The following TMA16 variants were observed in gnomAD, a reference collection of about 807,000 sequenced individuals.
TMA16 encodes translation machinery-associated protein 16.
TMA16 carries 26 observed loss-of-function variants against 27.1 expected under a neutral mutation model. The observed-to-expected ratio is 0.96, with a 90% CI of 0.70 to 1.33. TMA16 has a LOEUF of 1.33. TMA16 is among the 40% of genes most tolerant of loss of function. The pLI is 0.00. For synonymous variants in TMA16, 71 were observed against 81.9 expected (o/e 0.87, Z 0.72); for missense variants, 233 against 241.4 (o/e 0.97, Z 0.23).
chr4:163,518,096 T>C lies in TMA16; in HGVS notation c.431+620T>C, dbSNP rs190924486. 3.9e-5 allele frequency among the ~76,000 whole-genome samples: 6 copies of C among 152,228 alleles called. No individual in the cohort carries two copies. In the East Asian group the frequency reaches 7.7e-4, roughly 20 times the overall value. ...AATGAATCTACCCAGGTAGTGAGCA[T>C]AGCACCCAGTACGTGGTGTTTTTAG... On this transcript the variant is annotated intron_variant, in intron 6 of 6. Transcript: ENST00000358572.
chr4:163,519,261 T>C, intron 6 of TMA16, 73 bp from the exon 7 acceptor site: 1 of 1,392,104 alleles, frequency 7.2e-7, no homozygotes, highest in Non-Finnish European at 9.4e-7. Context: ...TTTCGAAAAT[T>C]TACTATCTCC....
chr4:163,505,876 A>G (rs925444141), intron 1 of TMA16, among the ~76,000 whole-genome samples: 1 of 152,222 alleles, frequency 6.6e-6, no homozygotes, highest in Non-Finnish European at 1.5e-5. Context: ...TGAGGATTGA[A>G]TTAAGCAATT....
rs77305246 is a variant in TMA16 at position 163,519,936 on chromosome 4, C to T, written c.*422C>T. 5 of 577,012 alleles carry T rather than the reference C, an allele frequency of 8.7e-6. No homozygotes were observed. The highest frequency in any genetic ancestry group is 3.6e-5 in the South Asian group (2 of 55,622). The allele number at this position is 577,012 out of a possible 1,614,324, so 35.7% of individuals were successfully genotyped here. A position where few individuals can be genotyped will look rare whatever the true frequency, so the allele number is the denominator to read the frequency against. On this transcript the variant is annotated 3_prime_UTR_variant, in exon 7 of 7. Transcript: ENST00000358572. ...AAATTGTTTTTCGGTAATAATATCA[C>T]ACTAATGCTTCTTTTAAACATTAAA...
At chr4:163,509,779 G>A (rs1737766954) in intron 2 of TMA16, among the ~76,000 whole-genome samples, 1 of 152,162 alleles carries the variant, frequency 6.6e-6, no homozygotes, top group Admixed American at 6.6e-5. Flanking sequence ...CAATTTACAA[G>A]CAGCAAGTGG....
chr4:163,512,798 C>G, intron 2 of TMA16, 24 bp from the exon 3 acceptor site: 1 of 1,578,876 alleles, frequency 6.3e-7, no homozygotes, highest in East Asian at 2.3e-5. Flanking sequence ...TTTTCTAACA[C>G]ATATATTTAC....
intron 1 of TMA16, among the ~76,000 whole-genome samples, chr4:163,495,231 T>C (rs1452224359): frequency 6.6e-6 from 1 of 152,190 alleles, no homozygotes. Flanking sequence ...TCCGTTCACC[T>C]CTCGTTAGTG....
chr4:163,518,511 C>G lies in TMA16; in HGVS notation c.432-823C>G, dbSNP rs192894460. On this transcript the variant is annotated intron_variant, in intron 6 of 6. Transcript: ENST00000358572. ...CCTAATATCTGGAATCTATAAGAAA[C>G]AAATGAATCAACAAGCAGTTTTTTA... Among the ~76,000 whole-genome samples the G allele has an allele frequency of 2.8e-3, 417 of 149,734 alleles. 1 individual carries two copies. Among genetic ancestry groups the G allele is most frequent in the Non-Finnish European group, 4.3e-3 (289 of 67,912 alleles).
intron 1 of TMA16, among the ~76,000 whole-genome samples, chr4:163,501,061 T>C (rs1378062081): frequency 6.6e-6 from 1 of 152,228 alleles, no homozygotes; most frequent in East Asian, 1.9e-4. Flanking sequence ...TATTGTAGAA[T>C]TGTGTCACTA....
At chr4:163,511,851 A>G (rs1314594940) in intron 2 of TMA16, among the ~76,000 whole-genome samples, 1 of 152,098 alleles carries the variant, frequency 6.6e-6, no homozygotes, top group Non-Finnish European at 1.5e-5. Flanking sequence ...AATAATAACA[A>G]AAGATTTCAT....
chr4:163,508,726 A>C (rs2320617), intron 2 of TMA16, among the ~76,000 whole-genome samples: 1 of 152,184 alleles, frequency 6.6e-6, no homozygotes, highest in African/African-American at 2.4e-5. Context: ...TATGATATGC[A>C]ATATTTTAGC....
At chr4:163,515,527 A>T in intron 5 of TMA16, 66 bp downstream of exon 5, 7 of 1,435,210 alleles carry the variant, frequency 4.9e-6, no homozygotes, top group Non-Finnish European at 6.5e-6. Context: ...GATTGATTTC[A>T]AAGGTTTTAT....
chr4:163,500,268 TG>T (rs1338191148), intron 1 of TMA16, among the ~76,000 whole-genome samples: 1 of 149,542 alleles, frequency 6.7e-6, no homozygotes, highest in African/African-American at 2.5e-5. Context: ...TGGAGTATGG[TG>T]GTGCTATCTC....
At chr4:163,499,711 T>C (rs1263670481) in intron 1 of TMA16, among the ~76,000 whole-genome samples, 1 of 151,774 alleles carries the variant, frequency 6.6e-6, no homozygotes, top group East Asian at 1.9e-4. Context: ...GATTATATTG[T>C]TTTTTAAATT....
chr4:163,501,867 C>T (rs1737654762), intron 1 of TMA16, among the ~76,000 whole-genome samples: 1 of 152,104 alleles, frequency 6.6e-6, no homozygotes, highest in African/African-American at 2.4e-5. Flanking sequence ...CTCAGGGAGG[C>T]CTTTCCTTAC....
chr4:163,509,747 C>G (rs1414857326), intron 2 of TMA16, among the ~76,000 whole-genome samples: 5 of 152,316 alleles, frequency 3.3e-5, no homozygotes, highest in Non-Finnish European at 7.3e-5. Flanking sequence ...GGTTTGAAGA[C>G]TAGCACATTC....
intron 1 of TMA16, among the ~76,000 whole-genome samples, chr4:163,495,877 C>T (rs1737542649): frequency 6.6e-6 from 1 of 152,152 alleles, no homozygotes; most frequent in Non-Finnish European, 1.5e-5. Context: ...TCAGTGTTTG[C>T]TTGTCACTTT....
chr4:163,503,715 C>T (rs1362539897), intron 1 of TMA16, among the ~76,000 whole-genome samples: 1 of 152,104 alleles, frequency 6.6e-6, no homozygotes, highest in African/African-American at 2.4e-5. Context: ...AGAGTCTTTT[C>T]ATAGGCATAG....
intron 1 of TMA16, among the ~76,000 whole-genome samples, chr4:163,504,125 C>A (rs1264824503): frequency 1.3e-5 from 2 of 152,148 alleles, no homozygotes; most frequent in African/African-American, 4.8e-5. Flanking sequence ...GAACATATTG[C>A]TGGAACTTCA....
chr4:163,519,320 TTC>T lies in TMA16; in HGVS notation c.432-13_432-12del. On this transcript the variant is annotated splice_polypyrimidine_tract_variant and intron_variant, in intron 6 of 6. Coordinates refer to ENST00000358572, the MANE Select transcript of TMA16 (RefSeq NM_018352.3). ...CAACACTCTGCACTCTTTTTTTTTT[TTC>T]CTTTTGTCTAGGGAATGGGACTTTG... is the stretch of plus-strand genomic sequence containing the variant. 2 of 1,545,556 alleles carry T rather than the reference TTC, an allele frequency of 1.3e-6. No individual in the cohort carries two copies. Among genetic ancestry groups the T allele is most frequent in the South Asian group, 1.2e-5 (1 of 80,240 alleles).
Sources: gnomAD v4.1 joint callset for allele counts (sites outside exome capture counted in the v4.1 genomes callset) on GRCh38, gnomAD v4.1.1 for gene constraint, MANE v1.5 for transcripts, NCBI Gene and HGNC (gene_info 2026-07-23, HGNC 2026-07-21) for gene names.